GTF2F1: variants seen among roughly 807,000 people sequenced by gnomAD.
GTF2F1 encodes general transcription factor IIF subunit 1, also known as general transcription factor IIF 74 kDa subunit.
GTF2F1 carries 39 observed loss-of-function variants against 63.5 expected under a neutral mutation model. The observed-to-expected ratio is 0.61, with a 90% CI of 0.48 to 0.80. GTF2F1 has a LOEUF of 0.80. Ranked by LOEUF, GTF2F1 falls within the 30% of genes least tolerant of loss-of-function variation. The pLI, the probability that GTF2F1 is intolerant of heterozygous loss-of-function variation, is 0.00. For synonymous variants in GTF2F1, 287 were observed against 285.3 expected, an observed-to-expected ratio of 1.01 and a Z score of -0.06; for missense variants, 657 against 718.3, an observed-to-expected ratio of 0.91 and a Z score of 0.97.
chr19:6,380,649 G>T lies in GTF2F1; in HGVS notation c.1273C>A (p.Leu425Met). The T allele has an allele frequency of 6.2e-7, 1 of 1,613,562 alleles. No individual in the cohort carries two copies. ...SEMPAAKRLR[L>M]DTGPQSLSGK... Reference sequence around the variant, plus strand: ...GACAGGCTCTGGGGTCCCGTGTCCAGCCGCAACCGCTTGGCTGCAGGCATC... The same window carrying T: ...GACAGGCTCTGGGGTCCCGTGTCCATCCGCAACCGCTTGGCTGCAGGCATC... Residue 425 changes from leucine (L) to methionine (M), a missense_variant, in exon 12 of 13, where the codon CTG becomes ATG. Transcript: ENST00000394456. This position sits in a 1 kb window ranked among gnomAD's most constrained non-coding sequence, Gnocchi z 5.3.
At chr19:6,391,071 C>T (rs944595359) in intron 3 of GTF2F1, among the ~76,000 whole-genome samples, 2 of 152,158 alleles carry the variant, frequency 1.3e-5, no homozygotes, top group African/African-American at 4.8e-5. Context: ...CATCTCATAA[C>T]CTCCACTGCC....
At chr19:6,392,756 G>T in intron 2 of GTF2F1, 101 bp downstream of exon 2, 1 of 1,183,480 alleles carries the variant, frequency 8.4e-7, no homozygotes, top group African/African-American at 1.5e-5. Context: ...CGGTCTGGAG[G>T]GAGAACCACA....
intron 5 of GTF2F1, 116 bp downstream of exon 5, chr19:6,387,273 G>A: frequency 2.1e-6 from 2 of 973,874 alleles, no homozygotes; most frequent in Non-Finnish European, 3.1e-6. Flanking sequence ...GCCGAGTGGG[G>A]TCTGCCCTGG....
rs996968346 is a variant in GTF2F1 at position 6,383,181 on chromosome 19, C to A, written c.682+130G>T. On this transcript the variant is annotated intron_variant, in intron 6 of 12. Coordinates refer to ENST00000394456, the MANE Select transcript of GTF2F1 (RefSeq NM_002096.3). This position sits in a 1 kb window ranked among gnomAD's most constrained non-coding sequence, Gnocchi z 4.5. ...CCTCTCAAAGTGCTGGGATGACAGGCGTGAGCCACTGTGCCCGGCCCCACT... is the reference window on the plus strand; with the variant it reads ...CCTCTCAAAGTGCTGGGATGACAGGAGTGAGCCACTGTGCCCGGCCCCACT... 6.0e-5 allele frequency: 56 copies of A among 935,120 alleles called. 2 individuals carry two copies. In the Admixed American group the frequency reaches 9.7e-4, roughly 16 times the overall value. 57.9% of individuals were successfully genotyped at this position (935,120 alleles called of 1,614,324 possible).
rs773356588 is a variant in GTF2F1, at chr19:6,381,007, C to T, written c.1128G>A (p.Pro376=). The change falls in exon 11 of 13, where the codon CCG becomes CCA. Residue 376 remains proline (P), a synonymous_variant. Transcript: ENST00000394456. This position sits in a 1 kb window ranked among gnomAD's most constrained non-coding sequence, Gnocchi z 4.1. ...KKTPPKRERK[P]SGGSSRGNSR... is the part of the protein sequence containing the mutation. ...TGTTGCCCCTTGAGCTCCCTCCCGA[C>T]GGCTTCCGCTCTCTCTTGGGTGGCG... The T allele has an allele frequency of 7.4e-6, 12 of 1,610,806 alleles. No individual in the cohort carries two copies. The highest frequency in any genetic ancestry group is 3.3e-5 in the South Asian group (3 of 90,340).
rs2091999288 is a variant in GTF2F1, at chr19:6,391,826, A to T, written c.132+76T>A. 7.0e-6 allele frequency: 5 copies of T among 714,510 alleles called. No homozygotes were observed. In the East Asian group the frequency reaches 1.1e-4, roughly 15 times the overall value. The allele number at this position is 714,510 out of a possible 1,614,324, so 44.3% of individuals were successfully genotyped here. The stretch of plus-strand genomic sequence containing the variant: ...ACTTAGTGACTATGACAGTTAAGCA[A>T]CTATCACAACCACCAAGGTCAGGGT... On this transcript the variant is annotated intron_variant, in intron 3 of 12. Transcript: ENST00000394456.
chr19:6,391,653 G>A (rs1254875433), intron 3 of GTF2F1, among the ~76,000 whole-genome samples: 1 of 151,740 alleles, frequency 6.6e-6, no homozygotes, highest in African/African-American at 2.4e-5. Flanking sequence ...TCTTGCTATT[G>A]TATTGCCCAG....
Position 6,381,462 on chromosome 19 carries a change from G to T in GTF2F1, c.915C>A (p.Ser305Arg), listed in dbSNP as rs146025220. 2 of 1,608,032 alleles carry T rather than the reference G, an allele frequency of 1.2e-6. No homozygotes were observed. Among genetic ancestry groups the T allele is most frequent in the East Asian group, 4.5e-5 (2 of 44,868 alleles). ...CCTCCTCACTCTCCTCACTACTGTC[G>T]CTCTGCTCATCGACACCTGGGAGGG... ...EEGPKGVDEQSDSSEESEEEK... is the reference protein window; with the variant it reads ...EEGPKGVDEQRDSSEESEEEK... Residue 305 changes from serine to arginine, a missense_variant, in exon 9 of 13, where the codon AGC (serine) becomes AGA (arginine). Ser to Arg is a moderately radical substitution (Grantham distance 110). Transcript: ENST00000394456. The surrounding 1 kb of genome is among the most constrained non-coding windows in gnomAD (Gnocchi z 4.1).
At position 6,383,319 on chromosome 19, in the gene GTF2F1, C is replaced by CCACTGGCAT; in HGVS notation, c.665_673dup (p.Asp222_Ser224dup). The CCACTGGCAT allele has an allele frequency of 9.3e-6, 15 of 1,613,996 alleles. No individual in the cohort carries two copies. The highest frequency in any genetic ancestry group is 1.3e-5 in the Non-Finnish European group (15 of 1,180,034). ...CAGGCGCCCGTACTCACCCTCCTCA[C>CCACTGGCAT]CACTGGCATCACTGGCATCGGACGA... On this transcript the variant is annotated inframe_insertion, in exon 6 of 13. Coordinates refer to ENST00000394456, the MANE Select transcript of GTF2F1 (RefSeq NM_002096.3). The surrounding 1 kb of genome is among the most constrained non-coding windows in gnomAD (Gnocchi z 4.5).
Position 6,391,962 on chromosome 19 carries a change from T to C in GTF2F1, c.72A>G (p.Lys24=), listed in dbSNP as rs776956152. 14 of 1,568,924 alleles carry C rather than the reference T, an allele frequency of 8.9e-6. No homozygotes were observed. The highest frequency in any genetic ancestry group is 8.2e-5 in the South Asian group (7 of 85,850). The change falls in exon 3 of 13, where the codon AAA becomes AAG. Residue 24 remains lysine (K), a synonymous_variant. Transcript: ENST00000394456. ...YVVRVPKNTT[K]KYNIMAFNAA... ...CATTAAAAGCCATGATGTTATATTTTTTGGTTGTATTCCTGGAGTGGATGA... is the reference window on the plus strand; with the variant it reads ...CATTAAAAGCCATGATGTTATATTTCTTGGTTGTATTCCTGGAGTGGATGA...
intron 2 of GTF2F1, 111 bp downstream of exon 2, chr19:6,392,746 C>G (rs2092005687): frequency 9.3e-7 from 1 of 1,072,648 alleles, no homozygotes; most frequent in Non-Finnish European, 1.4e-6. Context: ...AAGTCTCTCC[C>G]GGTCTGGAGG....
chr19:6,392,200 C>T, intron 2 of GTF2F1: 2 of 583,554 alleles, frequency 3.4e-6, no homozygotes, highest in South Asian at 3.0e-5. Context: ...TCAACAAACC[C>T]ACCCAGCTTC....
In GTF2F1 at chr19:6,393,009, T is replaced by C. The variant is rs756742349; in HGVS notation, c.-14A>G. The C allele has an allele frequency of 1.9e-6, 3 of 1,613,730 alleles. No homozygotes were observed. The highest frequency in any genetic ancestry group is 1.7e-6 in the Non-Finnish European group (2 of 1,180,018). On this transcript the variant is annotated 5_prime_UTR_variant, in exon 1 of 13. Coordinates refer to ENST00000394456, the MANE Select transcript of GTF2F1 (RefSeq NM_002096.3). ...TAGGGCCGCCATGGGCAATGGTCAG[T>C]GGTTCCGATCTGGTCCGACCCGGGT...
intron 5 of GTF2F1, among the ~76,000 whole-genome samples, chr19:6,385,048 C>A (rs1458564763): frequency 6.6e-6 from 1 of 152,018 alleles, no homozygotes; most frequent in African/African-American, 2.4e-5. Flanking sequence ...ATCCGCTCTC[C>A]ACGTGCCCAG....
In GTF2F1 at chr19:6,380,404, G is replaced by C; in HGVS notation, c.1431C>G (p.Phe477Leu). 2 of 1,614,104 alleles carry C rather than the reference G, an allele frequency of 1.2e-6. No homozygotes were observed. Among genetic ancestry groups the C allele is most frequent in the Non-Finnish European group, 1.7e-6 (2 of 1,180,002 alleles). Residue 477 changes from phenylalanine to leucine, a missense_variant, in exon 13 of 13, where the codon TTC becomes TTG. By Grantham distance (22) the Phe-to-Leu change is conservative. This residue lies in a region of GTF2F1 where 55 missense variants were observed against 92.6 expected (regional missense o/e 0.59). Coordinates refer to ENST00000394456, the MANE Select transcript of GTF2F1 (RefSeq NM_002096.3). The surrounding 1 kb of genome is among the most constrained non-coding windows in gnomAD (Gnocchi z 5.3). ...TGCTCAGCCCTGTCTTCTTGGTCTG[G>C]AACTTTTTCAGCAGGTCCTTAGTGG... ...PMTTKDLLKK[F>L]QTKKTGLSSE...
intron 6 of GTF2F1, among the ~76,000 whole-genome samples, chr19:6,382,383 G>C (rs1161733576): frequency 6.6e-6 from 1 of 152,148 alleles, no homozygotes; most frequent in Non-Finnish European, 1.5e-5. Flanking sequence ...TGTAATCCCA[G>C]CACTTTAGGA....
chr19:6,381,423 C>T lies in GTF2F1; in HGVS notation c.954G>A (p.Glu318=). ...SEESEEEKPP[E]EDKEEEEEKK... is the part of the protein sequence containing the mutation. The stretch of plus-strand genomic sequence containing the variant: ...TCTCCTCCTCCTCCTCCTTGTCCTC[C>T]TCAGGCGGCTTCTCCTCCTCACTCT... Residue 318 remains glutamate (E), a synonymous_variant, in exon 9 of 13, where the codon GAG becomes GAA. Coordinates refer to ENST00000394456, the MANE Select transcript of GTF2F1 (RefSeq NM_002096.3). The surrounding 1 kb of genome is among the most constrained non-coding windows in gnomAD (Gnocchi z 4.1). The T allele has an allele frequency of 6.2e-6, 10 of 1,610,706 alleles. No individual in the cohort carries two copies. Among genetic ancestry groups the T allele is most frequent in the Non-Finnish European group, 8.5e-6 (10 of 1,179,814 alleles).
In GTF2F1 at chr19:6,387,481, G is replaced by A. The variant is rs145932084; in HGVS notation, c.405C>T (p.Phe135=). 229 of 1,613,966 alleles carry A rather than the reference G, an allele frequency of 1.4e-4. No individual in the cohort carries two copies. The highest frequency in any genetic ancestry group is 9.9e-4 in the Middle Eastern group (6 of 6,084). The change falls in exon 5 of 13, where the codon TTC becomes TTT. Residue 135 remains phenylalanine (F), a synonymous_variant. Coordinates refer to ENST00000394456, the MANE Select transcript of GTF2F1 (RefSeq NM_002096.3). ...YIFTQCPDGA[F]EAFPVHNWYN... ...ACCAGTTGTGCACGGGGAAGGCCTC[G>A]AAGGCCCCGTCGGGGCACTGGGTGA... is the stretch of plus-strand genomic sequence containing the variant.
At chr19:6,387,833 T>C (rs2091979674) in intron 4 of GTF2F1, among the ~76,000 whole-genome samples, 1 of 150,662 alleles carries the variant, frequency 6.6e-6, no homozygotes, top group Non-Finnish European at 1.5e-5. Context: ...AGCCCAACCC[T>C]GCAGTCAAAC....
Sources: allele counts gnomAD v4.1 joint callset (sites outside exome capture counted in the v4.1 genomes callset), GRCh38; gene constraint gnomAD v4.1.1; regional missense constraint gnomAD v4.1.1; non-coding constraint Gnocchi (gnomAD v3.1); transcripts MANE v1.5; gene names NCBI Gene and HGNC (gene_info 2026-07-23, HGNC 2026-07-21).